Variants in RAB3C observed in about 807,000 individuals in gnomAD.
The protein encoded by RAB3C is ras-related protein Rab-3C.
Under a neutral mutation model 26.4 loss-of-function variants are expected in RAB3C, and 17 were observed. The ratio of observed to expected loss-of-function variants is 0.64; its 90% CI spans 0.44 to 0.97. The LOEUF (loss-of-function observed/expected upper bound fraction) is 0.97. Among genes scored for constraint, RAB3C ranks in the 50% least tolerant of loss-of-function variants. The probability of loss-of-function intolerance (pLI) is 0.00; values close to 1 mark genes in which losing one functional copy is unlikely to be tolerated. For missense variants in RAB3C, 242 were observed against 281.9 expected (o/e 0.86, Z 1.01); for synonymous variants, 91 against 95.9 (o/e 0.95, Z 0.30).
chr5:58,641,147 T>C (rs907153010), intron 2 of RAB3C, among the ~76,000 whole-genome samples: 4 of 152,138 alleles, frequency 2.6e-5, no homozygotes, highest in Non-Finnish European at 4.4e-5. Context: ...GCAAAGTTAA[T>C]GTGTGAGTGC....
At chr5:58,769,315 A>T (rs1741978124) in intron 3 of RAB3C, among the ~76,000 whole-genome samples, 1 of 152,146 alleles carries the variant, frequency 6.6e-6, no homozygotes, top group Non-Finnish European at 1.5e-5. Context: ...GTAGTTCAGG[A>T]AAGAGAGAGA....
chr5:58,649,177 G>A (rs1328366211), intron 2 of RAB3C, among the ~76,000 whole-genome samples: 1 of 152,068 alleles, frequency 6.6e-6, no homozygotes, highest in African/African-American at 2.4e-5. Context: ...CCACCTGCTG[G>A]TCCACTGGGA....
At chr5:58,716,280 T>G (rs1430078928) in intron 2 of RAB3C, among the ~76,000 whole-genome samples, 2 of 151,968 alleles carry the variant, frequency 1.3e-5, no homozygotes, top group African/African-American at 4.8e-5. Flanking sequence ...GAATGGGGTT[T>G]GAAATAACGA....
chr5:58,796,399 A>G (rs1742649544), intron 3 of RAB3C, among the ~76,000 whole-genome samples: 1 of 152,172 alleles, frequency 6.6e-6, no homozygotes, highest in Non-Finnish European at 1.5e-5. Flanking sequence ...CAGTTTACCC[A>G]GCTATAACAT....
chr5:58,835,865 A>T (rs1234105634), intron 4 of RAB3C, among the ~76,000 whole-genome samples: 1 of 152,222 alleles, frequency 6.6e-6, no homozygotes, highest in Non-Finnish European at 1.5e-5. Flanking sequence ...AAAAAGATTA[A>T]ATCAAGGATG....
chr5:58,722,230 C>T (rs976559850), intron 2 of RAB3C, among the ~76,000 whole-genome samples: 9 of 151,878 alleles, frequency 5.9e-5, no homozygotes, highest in African/African-American at 2.2e-4. Flanking sequence ...TCCAATACAA[C>T]ATTATTCAGT....
At chr5:58,741,759 T>A (rs780326399) in intron 3 of RAB3C, 19 of 152,026 alleles carry the variant, frequency 1.2e-4, no homozygotes, top group Non-Finnish European at 2.4e-4. Flanking sequence ...AATCCTAGCA[T>A]TTTGAGAGGC....
At chr5:58,737,551 G>A (rs2111940453) in intron 3 of RAB3C, among the ~76,000 whole-genome samples, 1 of 150,968 alleles carries the variant, frequency 6.6e-6, no homozygotes, top group Admixed American at 6.6e-5. Context: ...TATTCTCTGT[G>A]CCTAGAATAG....
chr5:58,698,741 C>A (rs1748773631), intron 2 of RAB3C, among the ~76,000 whole-genome samples: 1 of 152,176 alleles, frequency 6.6e-6, no homozygotes, highest in Admixed American at 6.5e-5. Context: ...GTGCATGCAT[C>A]ACGAAGTTCT....
At chr5:58,705,115 T>C (rs1748917937) in intron 2 of RAB3C, among the ~76,000 whole-genome samples, 1 of 152,168 alleles carries the variant, frequency 6.6e-6, no homozygotes, top group Non-Finnish European at 1.5e-5. Flanking sequence ...TTTTTAACCA[T>C]CTGGTTATTT....
At chr5:58,693,465 A>C (rs543909058) in intron 2 of RAB3C, among the ~76,000 whole-genome samples, 1 of 151,354 alleles carries the variant, frequency 6.6e-6, no homozygotes, top group Non-Finnish European at 1.5e-5. Context: ...GTAGGTCATA[A>C]TATATCTTGT....
chr5:58,661,231 A>T (rs944902221), intron 2 of RAB3C, among the ~76,000 whole-genome samples: 1 of 150,340 alleles, frequency 6.7e-6, no homozygotes, highest in African/African-American at 2.5e-5. Context: ...TTTGTGACCT[A>T]CTGCAGGTAT....
At chr5:58,634,797 T>C (rs1230649273) in intron 2 of RAB3C, among the ~76,000 whole-genome samples, 1 of 152,166 alleles carries the variant, frequency 6.6e-6, no homozygotes, top group East Asian at 1.9e-4. Flanking sequence ...CCACAGAACC[T>C]GGGTCTGTGG....
intron 3 of RAB3C, among the ~76,000 whole-genome samples, chr5:58,754,323 G>T (rs1172227951): frequency 6.6e-6 from 1 of 151,384 alleles, no homozygotes; most frequent in African/African-American, 2.4e-5. Flanking sequence ...TTGTGGTCTG[G>T]ATATCATTGT....
intron 3 of RAB3C, among the ~76,000 whole-genome samples, chr5:58,777,644 G>A (rs577377082): frequency 8.2e-5 from 12 of 146,594 alleles, no homozygotes; most frequent in African/African-American, 2.5e-4. Context: ...TGTGCACAAC[G>A]TGCAGGTTTG....
At chr5:58,795,489 CTG>C (rs1254417714) in intron 3 of RAB3C, among the ~76,000 whole-genome samples, 1 of 152,180 alleles carries the variant, frequency 6.6e-6, no homozygotes, top group African/African-American at 2.4e-5. Flanking sequence ...TCCTGGCCTG[CTG>C]TGTAACTTTC....
In RAB3C at chr5:58,808,224, CA is replaced by C. The variant is rs773339041; in HGVS notation, c.372-16796del. Among the ~76,000 whole-genome samples the C allele has an allele frequency of 7.3e-3, 462 of 63,634 alleles. 2 individuals carry two copies. Among genetic ancestry groups the C allele is most frequent in the East Asian group, 0.01 (22 of 2,112 alleles). 41.7% of individuals were successfully genotyped at this position (63,634 alleles called of 152,430 possible). On this transcript the variant is annotated intron_variant, in intron 3 of 4. Coordinates refer to ENST00000282878, the MANE Select transcript of RAB3C (RefSeq NM_138453.4). Reference sequence around the variant, plus strand: ...TGGGTGACAGAGCAAGACTCCGTCTCAAAAAAAAAAAAAAAAAAGAAATAAC... The same window carrying C: ...TGGGTGACAGAGCAAGACTCCGTCTCAAAAAAAAAAAAAAAAAGAAATAAC...
chr5:58,676,171 T>C (rs1201014363), intron 2 of RAB3C, among the ~76,000 whole-genome samples: 1 of 152,124 alleles, frequency 6.6e-6, no homozygotes, highest in Non-Finnish European at 1.5e-5. Flanking sequence ...CCAAGGAAAT[T>C]CTGTAACATT....
chr5:58,614,933 T>G (rs533683910), intron 1 of RAB3C, among the ~76,000 whole-genome samples: 7 of 152,132 alleles, frequency 4.6e-5, no homozygotes, highest in Non-Finnish European at 8.8e-5. Flanking sequence ...ATTTACATTG[T>G]GTTAGGTATT....
Sources: allele counts gnomAD v4.1 joint callset (sites outside exome capture counted in the v4.1 genomes callset), GRCh38; gene constraint gnomAD v4.1.1; transcripts MANE v1.5; gene names NCBI Gene and HGNC (gene_info 2026-07-23, HGNC 2026-07-21).